Variants in TWIST2 observed in about 807,000 individuals in gnomAD.
TWIST2 encodes twist-related protein 2.
Under a neutral mutation model 11.6 loss-of-function variants are expected in TWIST2, and 1 was observed. That is an observed-to-expected ratio of 0.09 (90% CI 0.03 to 0.41). The LOEUF (loss-of-function observed/expected upper bound fraction) is 0.41, where lower values mean the gene tolerates loss of function less well. Ranked by LOEUF, TWIST2 falls within the 10% of genes least tolerant of loss-of-function variation. TWIST2 has a pLI of 0.98. For synonymous variants in TWIST2, 87 were observed against 96.6 expected (o/e 0.90, Z 0.58); for missense variants, 168 against 226.4 (o/e 0.74, Z 1.66).
intron 1 of TWIST2, among the ~76,000 whole-genome samples, chr2:238,879,830 G>A (rs1379970871): frequency 6.6e-6 from 1 of 152,224 alleles, no homozygotes. Context: ...GGGCTTCCTA[G>A]AGGAGGCAGC....
chr2:238,899,622 G>A (rs1693245203), intron 1 of TWIST2, among the ~76,000 whole-genome samples: 1 of 152,162 alleles, frequency 6.6e-6, no homozygotes, highest in South Asian at 2.1e-4. Context: ...CCCTCTCTGT[G>A]CCCATCCCGG....
At chr2:238,856,067 G>A (rs561933852) in intron 1 of TWIST2, among the ~76,000 whole-genome samples, 12 of 152,264 alleles carry the variant, frequency 7.9e-5, no homozygotes, top group South Asian at 2.1e-4. Flanking sequence ...CCTGGGGGCC[G>A]TGCGGTGGCT....
intron 1 of TWIST2, among the ~76,000 whole-genome samples, chr2:238,900,909 A>G (rs1479372640): frequency 1.3e-5 from 2 of 151,874 alleles, no homozygotes; most frequent in Admixed American, 6.6e-5. Context: ...ACCTGAAGAT[A>G]ATCCTGAACG....
intron 1 of TWIST2, among the ~76,000 whole-genome samples, chr2:238,880,203 C>G (rs1490769699): frequency 1.3e-5 from 2 of 150,164 alleles, no homozygotes. Context: ...ATTGGTGTTA[C>G]TGTTAGTATT....
At chr2:238,868,393 G>A (rs1197454555) in intron 1 of TWIST2, among the ~76,000 whole-genome samples, 1 of 152,210 alleles carries the variant, frequency 6.6e-6, no homozygotes, top group Non-Finnish European at 1.5e-5. Context: ...GGGTTTGGAA[G>A]AACAAAAAAC....
At chr2:238,854,648 T>C (rs1335506590) in intron 1 of TWIST2, among the ~76,000 whole-genome samples, 1 of 152,224 alleles carries the variant, frequency 6.6e-6, no homozygotes, top group African/African-American at 2.4e-5. Context: ...TGTTTTTCTG[T>C]CGCTATCCAG....
intron 1 of TWIST2, 35 bp from the exon 2 acceptor site, chr2:238,909,807 G>GC (rs2106377633): frequency 6.6e-6 from 1 of 152,396 alleles, no homozygotes; most frequent in South Asian, 2.1e-4. Flanking sequence ...GAGCGAGGCG[G>GC]CCGTAGCTCA....
intron 1 of TWIST2, among the ~76,000 whole-genome samples, chr2:238,879,716 G>A (rs1221417493): frequency 6.6e-6 from 1 of 152,212 alleles, no homozygotes; most frequent in Non-Finnish European, 1.5e-5. Flanking sequence ...TTGTGGACAT[G>A]GACAGCCCTG....
chr2:238,883,275 G>C (rs375035569), intron 1 of TWIST2, among the ~76,000 whole-genome samples: 1 of 152,142 alleles, frequency 6.6e-6, no homozygotes, highest in Non-Finnish European at 1.5e-5. Flanking sequence ...GTTTATCCTC[G>C]TGGAGACATG....
chr2:238,902,682 G>GA (rs1693285929), intron 1 of TWIST2, among the ~76,000 whole-genome samples: 10 of 144,464 alleles, frequency 6.9e-5, no homozygotes, highest in African/African-American at 2.6e-4. Context: ...TGTGGGGTGT[G>GA]TGTGATATGG....
At chr2:238,852,154 A>G (rs1692253492) in intron 1 of TWIST2, among the ~76,000 whole-genome samples, 1 of 152,180 alleles carries the variant, frequency 6.6e-6, no homozygotes, top group South Asian at 2.1e-4. Flanking sequence ...AAAAAAAAAC[A>G]CCACACACAT....
rs374173009 is a variant in TWIST2, at chr2:238,853,382, GGAGAGA to G, written c.*35+4665_*35+4670del. Among the ~76,000 whole-genome samples, 97 of 140,016 alleles carry G rather than the reference GGAGAGA, an allele frequency of 6.9e-4. 2 individuals carry two copies. Among genetic ancestry groups the G allele is most frequent in the Non-Finnish European group, 2.5e-4 (16 of 64,258 alleles). 91.9% of individuals were successfully genotyped at this position (140,016 alleles called of 152,430 possible). On this transcript the variant is annotated intron_variant, in intron 1 of 1. Transcript: ENST00000612363. The stretch of plus-strand genomic sequence containing the variant: ...GGAGAGGATATAGCAGAGGAGGGAG[GGAGAGA>G]GAGAGAGAGAGAGAGGGAGAGAGGG...
intron 1 of TWIST2, among the ~76,000 whole-genome samples, chr2:238,878,457 A>G (rs1692845138): frequency 6.6e-6 from 1 of 152,208 alleles, no homozygotes; most frequent in Non-Finnish European, 1.5e-5. Flanking sequence ...CTAGTGCAGC[A>G]TGGCCTCCAG....
intron 1 of TWIST2, among the ~76,000 whole-genome samples, chr2:238,889,717 C>T (rs1693098890): frequency 6.6e-6 from 1 of 152,196 alleles, no homozygotes; most frequent in African/African-American, 2.4e-5. Context: ...AGGATTCCAC[C>T]CCTCACAGGC....
At chr2:238,877,133 G>T (rs1301050660) in intron 1 of TWIST2, among the ~76,000 whole-genome samples, 1 of 152,082 alleles carries the variant, frequency 6.6e-6, no homozygotes, top group Non-Finnish European at 1.5e-5. Flanking sequence ...GGAGGTGGAG[G>T]TTGCAGTGAG....
chr2:238,890,578 A>C (rs1693114557), intron 1 of TWIST2, among the ~76,000 whole-genome samples: 1 of 152,228 alleles, frequency 6.6e-6, no homozygotes, highest in East Asian at 1.9e-4. Flanking sequence ...TCTGGAAAAA[A>C]ATTCACTGTT....
intron 1 of TWIST2, among the ~76,000 whole-genome samples, chr2:238,859,801 G>A (rs944112637): frequency 1.3e-5 from 2 of 152,082 alleles, no homozygotes; most frequent in Non-Finnish European, 2.9e-5. Context: ...ACACATGCAT[G>A]CACGCACACG....
At chr2:238,870,577 ACACACACACACCACACACCC>A (rs1692660818) in intron 1 of TWIST2, among the ~76,000 whole-genome samples, 3 of 55,956 alleles carry the variant, frequency 5.4e-5, no homozygotes, top group African/African-American at 1.7e-4. Flanking sequence ...ACCACACACC[ACACACACACACCACACACCC>A]CACACACACA....
At chr2:238,887,869 C>CAGGGG (rs1693069675) in intron 1 of TWIST2, among the ~76,000 whole-genome samples, 1 of 152,242 alleles carries the variant, frequency 6.6e-6, no homozygotes, top group South Asian at 2.1e-4. Context: ...TCCTGAGATT[C>CAGGGG]AGGGGCTTCT....
Sources: gnomAD v4.1 joint callset for allele counts (sites outside exome capture counted in the v4.1 genomes callset) on GRCh38, gnomAD v4.1.1 for gene constraint, MANE v1.5 for transcripts, NCBI Gene and HGNC (gene_info 2026-07-23, HGNC 2026-07-21) for gene names.